The following GHR variants were observed in gnomAD, a reference collection of about 807,000 sequenced individuals.
GHR encodes the protein growth hormone receptor, also known as GH receptor.
In GHR, 35 loss-of-function variants were observed where a neutral mutation model predicts 67.1. The ratio of observed to expected loss-of-function variants is 0.52; its 90% CI spans 0.40 to 0.69. GHR has a LOEUF of 0.69. Ranked by LOEUF, GHR falls within the 30% of genes least tolerant of loss-of-function variation. The pLI is 0.00. For synonymous variants in GHR, 272 were observed against 269.1 expected, an observed-to-expected ratio of 1.01 and a Z score of -0.10; for missense variants, 792 against 764.6, an observed-to-expected ratio of 1.04 and a Z score of -0.42.
chr5:42,438,844 CA>C lies in GHR; in HGVS notation c.-12+14890del, dbSNP rs112380205. Among the ~76,000 whole-genome samples, 386 of 152,272 alleles carry C rather than the reference CA, an allele frequency of 2.5e-3. 2 individuals are homozygous for C. The highest frequency in any genetic ancestry group is 8.8e-3 in the African/African-American group (367 of 41,556). On this transcript the variant is annotated intron_variant, in intron 1 of 9. Coordinates refer to ENST00000230882, the MANE Select transcript of GHR (RefSeq NM_000163.5). The stretch of plus-strand genomic sequence containing the variant: ...ACCAACAGCTTGATTCATGAAAGAC[CA>C]TCAGCCAGAGCCACCCAGCTAAGGT...
intron 1 of GHR, among the ~76,000 whole-genome samples, chr5:42,463,720 G>A (rs1561317901): frequency 6.6e-6 from 1 of 152,042 alleles, no homozygotes. Flanking sequence ...TGGGCCGGGC[G>A]CGGTGGCTCA....
intron 1 of GHR, among the ~76,000 whole-genome samples, chr5:42,510,702 A>T (rs1561085935): frequency 6.6e-6 from 1 of 152,234 alleles, no homozygotes; most frequent in Non-Finnish European, 1.5e-5. Flanking sequence ...AAACAGTAGC[A>T]TGGAGATGCC....
chr5:42,468,563 T>A, intron 1 of GHR: 1 of 901,512 alleles, frequency 1.1e-6, no homozygotes, highest in South Asian at 1.6e-5. Context: ...TCCTTCTTTC[T>A]TAAGCACCAT....
At chr5:42,707,310 T>C (rs1034120889) in intron 6 of GHR, among the ~76,000 whole-genome samples, 1 of 152,054 alleles carries the variant, frequency 6.6e-6, no homozygotes, top group Non-Finnish European at 1.5e-5. Flanking sequence ...TAGTATTATT[T>C]TTAATAATTT....
chr5:42,677,120 C>T lies in GHR; in HGVS notation c.137-11770C>T, dbSNP rs12653231. Among the ~76,000 whole-genome samples, 184 of 152,106 alleles carry T rather than the reference C, an allele frequency of 1.2e-3. 5 individuals are homozygous for T. The East Asian group carries it at 0.034, about 28-fold the overall frequency. On this transcript the variant is annotated intron_variant, in intron 3 of 9. Coordinates refer to ENST00000230882, the MANE Select transcript of GHR (RefSeq NM_000163.5). ...TTCAACTACTCAGCCCATTCCATTC[C>T]GGGTAGTTTTGGCTCAGAATGCTGG... is the stretch of plus-strand genomic sequence containing the variant.
At chr5:42,602,488 T>G (rs1008099531) in intron 2 of GHR, among the ~76,000 whole-genome samples, 1 of 152,200 alleles carries the variant, frequency 6.6e-6, no homozygotes, top group South Asian at 2.1e-4. Flanking sequence ...TCTTTTTTAT[T>G]GAGGAGTTTA....
chr5:42,657,902 G>C (rs181918048), intron 3 of GHR, among the ~76,000 whole-genome samples: 7 of 152,226 alleles, frequency 4.6e-5, no homozygotes, highest in Non-Finnish European at 7.4e-5. Flanking sequence ...CTGAGTAGGT[G>C]GTCCTAAAAT....
chr5:42,575,697 G>A (rs1455311992), intron 2 of GHR, among the ~76,000 whole-genome samples: 1 of 151,670 alleles, frequency 6.6e-6, no homozygotes, highest in South Asian at 2.1e-4. Context: ...CGGGTCCTGG[G>A]TGTGGGAGTG....
chr5:42,538,159 A>G (rs1328650565), intron 1 of GHR, among the ~76,000 whole-genome samples: 1 of 152,142 alleles, frequency 6.6e-6, no homozygotes, highest in Admixed American at 6.5e-5. Flanking sequence ...TTTACATTCA[A>G]TGTCAGTATG....
At chr5:42,576,138 TAAAATA>T (rs1561136089) in intron 2 of GHR, among the ~76,000 whole-genome samples, 13 of 92,872 alleles carry the variant, frequency 1.4e-4, no homozygotes, top group African/African-American at 6.0e-4. Flanking sequence ...TAAAATAAAA[TAAAATA>T]GTAAAGTAAA....
chr5:42,710,659 T>C lies in GHR; in HGVS notation c.619-548T>C, dbSNP rs796943499. ...CAGAGCAAGCAGATTAGGTATGTAGTTCCTTTTAATAAAAGTATTTGGAAG... is the reference window on the plus strand; with the variant it reads ...CAGAGCAAGCAGATTAGGTATGTAGCTCCTTTTAATAAAAGTATTTGGAAG... On this transcript the variant is annotated intron_variant, in intron 6 of 9. Coordinates refer to ENST00000230882, the MANE Select transcript of GHR (RefSeq NM_000163.5). Among the ~76,000 whole-genome samples the C allele has an allele frequency of 3.3e-5, 5 of 152,260 alleles. 1 individual carries two copies. Among genetic ancestry groups the C allele is most frequent in the African/African-American group, 1.2e-4 (5 of 41,566 alleles).
intron 2 of GHR, among the ~76,000 whole-genome samples, chr5:42,617,945 A>G (rs559270276): frequency 3.3e-5 from 5 of 152,198 alleles, no homozygotes; most frequent in Admixed American, 2.0e-4. Context: ...ACTTTAAACA[A>G]TGTTGTGTGA....
At chr5:42,473,284 G>A (rs1579765976) in intron 1 of GHR, among the ~76,000 whole-genome samples, 1 of 152,146 alleles carries the variant, frequency 6.6e-6, no homozygotes, top group Admixed American at 6.5e-5. Flanking sequence ...CTCTTGGAGT[G>A]CAACGGCGCG....
chr5:42,603,195 C>A (rs191126806), intron 2 of GHR, among the ~76,000 whole-genome samples: 2 of 152,126 alleles, frequency 1.3e-5, no homozygotes, highest in African/African-American at 4.8e-5. Context: ...TCCCTTCAGG[C>A]CTGCAAGGTT....
At chr5:42,712,170 T>C (rs1758493735) in intron 7 of GHR, among the ~76,000 whole-genome samples, 1 of 152,104 alleles carries the variant, frequency 6.6e-6, no homozygotes, top group African/African-American at 2.4e-5. Context: ...ACAAGCTACA[T>C]AGAAAATAAA....
In GHR at chr5:42,577,160, A is replaced by C. The variant is rs115622310; in HGVS notation, c.70+11216A>C. On this transcript the variant is annotated intron_variant, in intron 2 of 9. Transcript: ENST00000230882. ...GCCAGGGTACTCTGTATGGAAGTAC[A>C]TGGAAATGTATGCCCAAATACAGCT... 8.1e-3 allele frequency among the ~76,000 whole-genome samples: 1,238 copies of C among 152,342 alleles called. 16 individuals carry two copies. The highest frequency in any genetic ancestry group is 0.029 in the African/African-American group (1,186 of 41,584).
At chr5:42,542,071 A>G (rs1242768148) in intron 1 of GHR, among the ~76,000 whole-genome samples, 1 of 152,194 alleles carries the variant, frequency 6.6e-6, no homozygotes, top group Non-Finnish European at 1.5e-5. Flanking sequence ...ATGATTCCAA[A>G]TGAGATAATC....
intron 1 of GHR, among the ~76,000 whole-genome samples, chr5:42,502,460 A>G (rs1266083130): frequency 6.6e-6 from 1 of 152,220 alleles, no homozygotes; most frequent in East Asian, 1.9e-4. Context: ...ACTGTGTAAT[A>G]TCAGTCAATT....
intron 1 of GHR, among the ~76,000 whole-genome samples, chr5:42,477,126 T>A (rs963825729): frequency 2.0e-5 from 3 of 148,012 alleles, no homozygotes; most frequent in African/African-American, 7.5e-5. Context: ...AGTGAGAACA[T>A]GCGGTGTTTG....
Sources: allele counts gnomAD v4.1 joint callset (sites outside exome capture counted in the v4.1 genomes callset), GRCh38; gene constraint gnomAD v4.1.1; transcripts MANE v1.5; gene names NCBI Gene and HGNC (gene_info 2026-07-23, HGNC 2026-07-21).